NALF1: variants seen among roughly 807,000 people sequenced by gnomAD.
The protein encoded by NALF1 is family with sequence similarity 155 member A.
A neutral mutation model predicts 48.4 loss-of-function variants in NALF1; 3 were observed. The observed-to-expected ratio is 0.06, with a 90% CI of 0.03 to 0.16. NALF1 has a LOEUF of 0.16. Among genes scored for constraint, NALF1 ranks in the 10% least tolerant of loss-of-function variants. The pLI, the probability that NALF1 is intolerant of heterozygous loss-of-function variation, is 1.00. For missense variants in NALF1, 526 were observed against 571.5 expected (o/e 0.92, Z 0.81); for synonymous variants, 262 against 245.7 (o/e 1.07, Z -0.62).
intron 1 of NALF1, among the ~76,000 whole-genome samples, chr13:107,836,983 G>A (rs1170478196): frequency 6.6e-6 from 1 of 152,148 alleles, no homozygotes; most frequent in East Asian, 1.9e-4. Context: ...TCTGGGCAAG[G>A]ACAACTCTTA....
chr13:107,787,525 G>A (rs541079703), intron 1 of NALF1, among the ~76,000 whole-genome samples: 2 of 152,270 alleles, frequency 1.3e-5, no homozygotes, highest in East Asian at 1.9e-4. Context: ...CTGTTGTTAC[G>A]TGGGTCACGG....
intron 1 of NALF1, among the ~76,000 whole-genome samples, chr13:107,649,751 A>G (rs1880400237): frequency 6.6e-6 from 1 of 152,178 alleles, no homozygotes; most frequent in South Asian, 2.1e-4. Flanking sequence ...AATATAACTG[A>G]GATAGTACAG....
intron 1 of NALF1, among the ~76,000 whole-genome samples, chr13:107,411,313 T>G (rs1883986929): frequency 7.0e-6 from 1 of 141,910 alleles, no homozygotes; most frequent in Non-Finnish European, 1.6e-5. Context: ...TTTTTTTTTT[T>G]TTTTTAATCA....
intron 1 of NALF1, among the ~76,000 whole-genome samples, chr13:107,497,418 G>T (rs16970309): frequency 0.049 from 7,463 of 152,114 alleles, 639 homozygotes; most frequent in African/African-American, 0.17. Context: ...TGTATATCAT[G>T]ATTCATTATG....
At chr13:107,818,736 G>A (rs929240930) in intron 1 of NALF1, among the ~76,000 whole-genome samples, 1 of 146,578 alleles carries the variant, frequency 6.8e-6, no homozygotes, top group Non-Finnish European at 1.5e-5. Context: ...GCCGGGCGTG[G>A]TAGCGGGCGC....
At chr13:107,418,462 G>A (rs572486758) in intron 1 of NALF1, among the ~76,000 whole-genome samples, 24 of 152,212 alleles carry the variant, frequency 1.6e-4, no homozygotes, top group African/African-American at 5.5e-4. Context: ...ACACAGAAAC[G>A]ATGAGATAAT....
At chr13:107,199,281 A>G (rs1037995336) in intron 2 of NALF1, among the ~76,000 whole-genome samples, 11 of 152,324 alleles carry the variant, frequency 7.2e-5, no homozygotes, top group African/African-American at 2.6e-4. Flanking sequence ...CTACAGGCCA[A>G]GGAGAGAGGC....
chr13:107,521,738 T>C (rs1876245670), intron 1 of NALF1, among the ~76,000 whole-genome samples: 1 of 152,142 alleles, frequency 6.6e-6, no homozygotes, highest in Non-Finnish European at 1.5e-5. Context: ...CAGTTTAAAG[T>C]AGCCCATTGC....
rs1386945144 is a variant in NALF1, at chr13:107,660,484, C to CACACAAACAA, written c.915+205197_915+205198insTTGTTTGTGT. ...ACACACACACACACACACACACACA[C>CACACAAACAA]AACAAAGAAACAAAAAAACAAACAA... is the stretch of plus-strand genomic sequence containing the variant. On this transcript the variant is annotated intron_variant, in intron 1 of 2. Transcript: ENST00000375915. Among the ~76,000 whole-genome samples the CACACAAACAA allele has an allele frequency of 1.4e-3, 191 of 139,212 alleles. 3 individuals are homozygous for CACACAAACAA. Among genetic ancestry groups the CACACAAACAA allele is most frequent in the Admixed American group, 2.5e-3 (34 of 13,794 alleles). 91.3% of individuals were successfully genotyped at this position (139,212 alleles called of 152,430 possible).
intron 1 of NALF1, among the ~76,000 whole-genome samples, chr13:107,464,137 T>C (rs1230451887): frequency 6.6e-6 from 1 of 152,184 alleles, no homozygotes; most frequent in Non-Finnish European, 1.5e-5. Context: ...TTTCCCAAGC[T>C]ATGTTACCTT....
chr13:107,280,250 A>C (rs747719514), intron 1 of NALF1, among the ~76,000 whole-genome samples: 1 of 152,196 alleles, frequency 6.6e-6, no homozygotes, highest in Non-Finnish European at 1.5e-5. Context: ...GTCCAACTCA[A>C]ATGCTTTCTT....
intron 1 of NALF1, among the ~76,000 whole-genome samples, chr13:107,391,423 T>C (rs946377929): frequency 6.6e-6 from 1 of 152,192 alleles, no homozygotes; most frequent in Non-Finnish European, 1.5e-5. Flanking sequence ...TACATTTCCT[T>C]GCCATACCTT....
intron 1 of NALF1, among the ~76,000 whole-genome samples, chr13:107,742,690 A>C (rs1425147033): frequency 1.3e-5 from 2 of 152,194 alleles, no homozygotes; most frequent in Non-Finnish European, 2.9e-5. Context: ...ATGGACTAAC[A>C]TAAGGTTATT....
chr13:107,329,692 T>TCC (rs1882432899), intron 1 of NALF1, among the ~76,000 whole-genome samples: 1 of 143,716 alleles, frequency 7.0e-6, no homozygotes, highest in African/African-American at 2.6e-5. Flanking sequence ...TGTGTGATGT[T>TCC]CCCCTTCCTG....
chr13:107,174,366 T>TA (rs57611753), intron 2 of NALF1, among the ~76,000 whole-genome samples: 4,320 of 141,030 alleles, frequency 0.031, 213 homozygotes, highest in African/African-American at 0.1. Flanking sequence ...TTTATTTATT[T>TA]TTTTTTTTGA....
At chr13:107,521,273 C>T (rs1358023220) in intron 1 of NALF1, among the ~76,000 whole-genome samples, 4 of 152,172 alleles carry the variant, frequency 2.6e-5, no homozygotes, top group Non-Finnish European at 5.9e-5. Context: ...CAGAGAAAAT[C>T]TGACTTATAG....
At chr13:107,263,984 T>C (rs1880988586) in intron 1 of NALF1, among the ~76,000 whole-genome samples, 1 of 152,204 alleles carries the variant, frequency 6.6e-6, no homozygotes, top group South Asian at 2.1e-4. Flanking sequence ...CACCCGGCCT[T>C]ATGGAATTGT....
chr13:107,232,698 G>A (rs1165646475), intron 1 of NALF1, among the ~76,000 whole-genome samples: 1 of 152,180 alleles, frequency 6.6e-6, no homozygotes, highest in African/African-American at 2.4e-5. Context: ...TGGGCTGGAT[G>A]CGGAAGACTC....
At position 107,703,997 on chromosome 13, in the gene NALF1, A is replaced by G. The variant is rs186616655; in HGVS notation, c.915+161685T>C. Among the ~76,000 whole-genome samples, 6 of 152,282 alleles carry G rather than the reference A, an allele frequency of 3.9e-5. No individual in the cohort carries two copies. The East Asian group carries it at 1.2e-3, about 29-fold the overall frequency. On this transcript the variant is annotated intron_variant, in intron 1 of 2. Coordinates refer to ENST00000375915, the MANE Select transcript of NALF1 (RefSeq NM_001080396.3). ...TCTTATTAATAGTTTGGCTGTCTAT[A>G]GAATGCCAGGAAACATGTCCATTTT...
Sources: gnomAD v4.1 joint callset for allele counts (sites outside exome capture counted in the v4.1 genomes callset) on GRCh38, gnomAD v4.1.1 for gene constraint, MANE v1.5 for transcripts, NCBI Gene and HGNC (gene_info 2026-07-23, HGNC 2026-07-21) for gene names.